Variants in B3GAT2 observed in about 807,000 individuals in gnomAD.
B3GAT2 encodes galactosylgalactosylxylosylprotein 3-beta-glucuronosyltransferase 2.
Under a neutral mutation model 27.8 loss-of-function variants are expected in B3GAT2, and 26 were observed. The observed-to-expected ratio is 0.93, with a 90% CI of 0.68 to 1.30. B3GAT2 has a LOEUF of 1.30. B3GAT2 is among the 50% of genes most tolerant of loss of function. The pLI is 0.00. For missense variants in B3GAT2, 458 were observed against 459.0 expected, an observed-to-expected ratio of 1.00 and a Z score of 0.02; for synonymous variants, 218 against 195.1, an observed-to-expected ratio of 1.12 and a Z score of -0.98.
intron 2 of B3GAT2, among the ~76,000 whole-genome samples, chr6:70,870,793 G>A (rs1771921933): frequency 6.6e-6 from 1 of 152,114 alleles, no homozygotes; most frequent in Admixed American, 6.5e-5. Context: ...ATACAAATGG[G>A]TAGAGGGGTC....
rs187219719 is a variant in B3GAT2, at chr6:70,952,986, C to T, written c.591+2853G>A. On this transcript the variant is annotated intron_variant, in intron 1 of 3. Coordinates refer to ENST00000230053, the MANE Select transcript of B3GAT2 (RefSeq NM_080742.3). ...TGCTTTCCTTCATTTGCAGCCAATA[C>T]TTACGGAGCTAATTTGTACGTGGTT... Among the ~76,000 whole-genome samples, 6 of 152,296 alleles carry T rather than the reference C, an allele frequency of 3.9e-5. No homozygotes were observed. In the East Asian group the frequency reaches 1.2e-3, roughly 29 times the overall value.
At chr6:70,911,226 C>T (rs1465013963) in intron 1 of B3GAT2, among the ~76,000 whole-genome samples, 1 of 151,770 alleles carries the variant, frequency 6.6e-6, no homozygotes, top group African/African-American at 2.4e-5. Flanking sequence ...ATCATGAAAT[C>T]TTTGCCAGGG....
Position 70,861,641 on chromosome 6 carries a change from C to T in B3GAT2, c.*22G>A, listed in dbSNP as rs1472447554. On this transcript the variant is annotated 3_prime_UTR_variant, in exon 4 of 4. Transcript: ENST00000230053. ...CATATGGATCCACTGGCTGGACAAA[C>T]TGCACCAGTTGCTGCTTCAATTTAT... is the stretch of plus-strand genomic sequence containing the variant. The T allele has an allele frequency of 1.9e-6, 3 of 1,606,484 alleles. No individual in the cohort carries two copies. The highest frequency in any genetic ancestry group is 1.7e-6 in the Non-Finnish European group (2 of 1,173,720).
At chr6:70,914,180 C>T (rs956864955) in intron 1 of B3GAT2, among the ~76,000 whole-genome samples, 18 of 152,040 alleles carry the variant, frequency 1.2e-4, no homozygotes, top group Non-Finnish European at 2.1e-4. Context: ...ATGTGCACAA[C>T]ATGCAGGTTT....
chr6:70,948,027 A>G (rs1430589178), intron 1 of B3GAT2, among the ~76,000 whole-genome samples: 1 of 152,092 alleles, frequency 6.6e-6, no homozygotes, highest in Non-Finnish European at 1.5e-5. Flanking sequence ...ACAAAATTCA[A>G]CAACCCTTCA....
intron 2 of B3GAT2, among the ~76,000 whole-genome samples, chr6:70,886,120 A>G (rs1582352532): frequency 1.3e-5 from 2 of 152,210 alleles, no homozygotes; most frequent in Admixed American, 1.3e-4. Context: ...CCTGTTCTGC[A>G]GATGAAGAAA....
intron 1 of B3GAT2, among the ~76,000 whole-genome samples, chr6:70,941,508 C>T (rs1015289147): frequency 7.9e-5 from 12 of 152,112 alleles, no homozygotes; most frequent in African/African-American, 2.7e-4. Context: ...AACTGACTCA[C>T]GACCACCTTG....
At chr6:70,930,606 C>G (rs569770231) in intron 1 of B3GAT2, among the ~76,000 whole-genome samples, 8 of 152,226 alleles carry the variant, frequency 5.3e-5, no homozygotes, top group Non-Finnish European at 1.0e-4. Flanking sequence ...CACCGGCCAT[C>G]AGAGAAATAC....
chr6:70,946,614 T>A (rs1180126693), intron 1 of B3GAT2, among the ~76,000 whole-genome samples: 3 of 152,112 alleles, frequency 2.0e-5, no homozygotes, highest in South Asian at 2.1e-4. Flanking sequence ...AGACTTGGAC[T>A]CCCAAACAAT....
At chr6:70,926,185 A>T (rs991970739) in intron 1 of B3GAT2, among the ~76,000 whole-genome samples, 13 of 152,224 alleles carry the variant, frequency 8.5e-5, no homozygotes, top group African/African-American at 3.1e-4. Flanking sequence ...ACCATCATCA[A>T]AGACCAAAGT....
intron 1 of B3GAT2, among the ~76,000 whole-genome samples, chr6:70,925,928 C>T (rs1582384803): frequency 6.6e-6 from 1 of 152,294 alleles, no homozygotes; most frequent in Non-Finnish European, 1.5e-5. Flanking sequence ...CAGCCAGGTG[C>T]CCCTCTGAGA....
intron 1 of B3GAT2, among the ~76,000 whole-genome samples, chr6:70,909,697 C>T (rs549103559): frequency 1.3e-5 from 2 of 152,182 alleles, no homozygotes; most frequent in Non-Finnish European, 2.9e-5. Context: ...CTTTTGTGAT[C>T]CACTGCCCAA....
intron 1 of B3GAT2, among the ~76,000 whole-genome samples, chr6:70,952,227 T>C (rs1176428752): frequency 6.6e-6 from 1 of 152,214 alleles, no homozygotes; most frequent in East Asian, 1.9e-4. Context: ...AAACATCTTC[T>C]AGATGCAATC....
chr6:70,902,627 TATATATATATACACAC>T (rs201436444), intron 1 of B3GAT2, among the ~76,000 whole-genome samples: 6 of 142,014 alleles, frequency 4.2e-5, no homozygotes, highest in African/African-American at 8.4e-5. Context: ...GATATATATA[TATATATATATACACAC>T]ACACACACAC....
chr6:70,916,536 C>A (rs1022945983), intron 1 of B3GAT2, among the ~76,000 whole-genome samples: 1 of 152,170 alleles, frequency 6.6e-6, no homozygotes, highest in Non-Finnish European at 1.5e-5. Context: ...GTGGGTGTGT[C>A]ATAAATAACT....
At chr6:70,901,615 G>A (rs1405354128) in intron 1 of B3GAT2, among the ~76,000 whole-genome samples, 3 of 152,234 alleles carry the variant, frequency 2.0e-5, no homozygotes. Flanking sequence ...GTGGCGTAGA[G>A]TGGCTGTGCC....
chr6:70,939,154 C>T (rs1046006787), intron 1 of B3GAT2, among the ~76,000 whole-genome samples: 1 of 151,794 alleles, frequency 6.6e-6, no homozygotes, highest in African/African-American at 2.4e-5. Flanking sequence ...AAAAAACGCT[C>T]ATCACTGGCC....
In B3GAT2 at chr6:70,856,875, C is replaced by G; in HGVS notation, c.*4788G>C. 1 of 1,612,140 alleles carries G rather than the reference C, an allele frequency of 6.2e-7. No individual in the cohort carries two copies. On this transcript the variant is annotated 3_prime_UTR_variant, in exon 4 of 4. Transcript: ENST00000230053. ...TTGTCTCAGGGGACACCCTCTGCAC[C>G]AGCAGCTGCAACCCTGTCTACAGTA...
chr6:70,882,202 CA>C (rs1198097288), intron 2 of B3GAT2, among the ~76,000 whole-genome samples: 1 of 152,036 alleles, frequency 6.6e-6, no homozygotes, highest in African/African-American at 2.4e-5. Context: ...GCACAGACGA[CA>C]AAAGATCAAA....
Sources: gnomAD v4.1 joint callset for allele counts (sites outside exome capture counted in the v4.1 genomes callset) on GRCh38, gnomAD v4.1.1 for gene constraint, MANE v1.5 for transcripts, NCBI Gene and HGNC (gene_info 2026-07-23, HGNC 2026-07-21) for gene names.